SYAP1: variants seen among roughly 807,000 people sequenced by gnomAD.
SYAP1 encodes synapse associated protein 1, also known as synapse-associated protein 1.
A neutral mutation model predicts 29.6 loss-of-function variants in SYAP1; 3 were observed. That is an observed-to-expected ratio of 0.10 (90% CI 0.05 to 0.26). SYAP1 has a LOEUF of 0.26. SYAP1 is among the 10% of genes least tolerant of loss of function. The pLI is 1.00. For missense variants in SYAP1, 217 were observed against 264.1 expected (o/e 0.82, Z 1.24); for synonymous variants, 102 against 102.7 (o/e 0.99, Z 0.04).
At chrX:16,742,142 G>GTTTTTTTTTTTTTTTTTTTTT (rs1569250113) in intron 4 of SYAP1, among the ~76,000 whole-genome samples, 1 of 63,543 alleles carries the variant, frequency 1.6e-5, no homozygotes, top group African/African-American at 9.9e-5. Flanking sequence ...ATTTTTGTGT[G>GTTTTTTTTTTTTTTTTTTTTT]GTTTTTTTTT....
At chrX:16,722,419 T>C in intron 1 of SYAP1, among the ~76,000 whole-genome samples, 1 of 108,647 alleles carries the variant, frequency 9.2e-6, no homozygotes, top group East Asian at 2.9e-4. Context: ...TCCCAGCTAC[T>C]CAAGAGGCTG....
chrX:16,760,220 T>G lies in SYAP1; in HGVS notation c.932-12T>G, dbSNP rs761680225. ...CAGAGAGAATCTTTTTCTTCTCCTT[T>G]GTTTCTTTTAGAGGATTCTGCAGAT... On this transcript the variant is annotated splice_polypyrimidine_tract_variant and intron_variant, in intron 8 of 8. Transcript: ENST00000380155. The G allele has an allele frequency of 2.9e-5, 34 of 1,164,877 alleles. No homozygotes were observed. The South Asian group carries it at 7.0e-4, about 24-fold the overall frequency.
chrX:16,743,400 C>A (rs1188403779), intron 4 of SYAP1, among the ~76,000 whole-genome samples: 1 of 108,306 alleles, frequency 9.2e-6, no homozygotes, highest in African/African-American at 3.4e-5. Flanking sequence ...CTTTGGGAAG[C>A]CGAGGCAGGT....
intron 8 of SYAP1, among the ~76,000 whole-genome samples, chrX:16,759,039 AAAAT>A (rs1185152367): frequency 7.4e-5 from 8 of 107,571 alleles, no homozygotes; most frequent in Non-Finnish European, 7.7e-5. Flanking sequence ...AAAAAAAAAA[AAAAT>A]TAGCCTGGCG....
intron 4 of SYAP1, among the ~76,000 whole-genome samples, chrX:16,742,508 G>C (rs1464972171): frequency 9.0e-6 from 1 of 111,658 alleles, no homozygotes; most frequent in African/African-American, 3.3e-5. Context: ...GGCTGGTCTC[G>C]AGCTCCTGAC....
intron 1 of SYAP1, among the ~76,000 whole-genome samples, chrX:16,728,193 C>T (rs1389921431): frequency 9.0e-6 from 1 of 111,283 alleles, no homozygotes; most frequent in African/African-American, 3.3e-5. Flanking sequence ...TCACTCCAGT[C>T]TCCTATTCAG....
intron 3 of SYAP1, among the ~76,000 whole-genome samples, chrX:16,737,262 G>A (rs1926351629): frequency 9.0e-6 from 1 of 111,545 alleles, no homozygotes; most frequent in African/African-American, 3.3e-5. Flanking sequence ...GTGCACACCT[G>A]TAGTCCCAGC....
intron 2 of SYAP1, among the ~76,000 whole-genome samples, 173 bp downstream of exon 2, chrX:16,735,518 A>G (rs916620190): frequency 8.9e-6 from 1 of 112,590 alleles, no homozygotes; most frequent in Non-Finnish European, 1.9e-5. Context: ...AGTAAGTATC[A>G]TTAAATTACA....
chrX:16,756,807 T>C (rs1028626747), intron 7 of SYAP1, 86 bp downstream of exon 7: 1 of 919,439 alleles, frequency 1.1e-6, no homozygotes, highest in Non-Finnish European at 1.6e-6. Context: ...TTTAAAACTA[T>C]GTATGAATAT....
At chrX:16,753,086 T>A (rs190633516) in intron 5 of SYAP1, among the ~76,000 whole-genome samples, 1 of 108,863 alleles carries the variant, frequency 9.2e-6, no homozygotes, top group Non-Finnish European at 1.9e-5. Flanking sequence ...TACAAAAAAT[T>A]AGCCAGGCAT....
intron 1 of SYAP1, among the ~76,000 whole-genome samples, chrX:16,721,567 G>A (rs907313941): frequency 2.7e-5 from 3 of 111,334 alleles, no homozygotes; most frequent in African/African-American, 9.8e-5. Context: ...TTGCTCTGTC[G>A]CCCAGGCTGG....
intron 5 of SYAP1, among the ~76,000 whole-genome samples, chrX:16,748,173 A>G (rs1305190134): frequency 2.7e-5 from 3 of 112,352 alleles, no homozygotes; most frequent in African/African-American, 9.7e-5. Context: ...AAATATTCCA[A>G]CCCATTCCCA....
rs1403982103 is a variant in SYAP1 at position 16,735,305 on chromosome X, A to C, written c.254A>C (p.Lys85Thr). The C allele has an allele frequency of 1.7e-6, 2 of 1,195,391 alleles. No individual in the cohort carries two copies. Among genetic ancestry groups the C allele is most frequent in the Admixed American group, 4.7e-5 (2 of 42,307 alleles). The change falls in exon 2 of 9, where the codon AAA becomes ACA. Residue 85 changes from lysine to threonine, a missense_variant. Physicochemically the swap from Lys to Thr is moderately conservative, Grantham distance 78. Coordinates refer to ENST00000380155, the MANE Select transcript of SYAP1 (RefSeq NM_032796.4). ...SVAETAQTIK[K>T]SVEEGKIDGI... ...GCTGAAACAGCACAAACAATAAAGA[A>C]ATCCGTAGAAGAAGGAAAAATAGAT...
At chrX:16,744,003 A>C (rs1395718793) in intron 5 of SYAP1, among the ~76,000 whole-genome samples, 163 bp downstream of exon 5, 1 of 111,902 alleles carries the variant, frequency 8.9e-6, no homozygotes, top group Non-Finnish European at 1.9e-5. Context: ...ATCAAAACCA[A>C]GGTCTGACTT....
At chrX:16,729,609 C>T (rs1200811188) in intron 1 of SYAP1, among the ~76,000 whole-genome samples, 1 of 109,381 alleles carries the variant, frequency 9.1e-6, no homozygotes, top group East Asian at 2.9e-4. Flanking sequence ...TCTCAGCCTC[C>T]CAAGTAGCTG....
intron 1 of SYAP1, among the ~76,000 whole-genome samples, chrX:16,724,110 G>A (rs768855221): frequency 5.3e-5 from 6 of 112,223 alleles, no homozygotes; most frequent in Non-Finnish European, 7.5e-5. Context: ...ATTCATGGCC[G>A]TGATGTATTG....
intron 5 of SYAP1, among the ~76,000 whole-genome samples, chrX:16,745,330 C>T (rs1173901312): frequency 8.9e-6 from 1 of 112,026 alleles, no homozygotes; most frequent in Non-Finnish European, 1.9e-5. Context: ...AGCTTGGCTC[C>T]CCTCCCCACA....
At position 16,719,765 on chromosome X, in the gene SYAP1, C is replaced by G; in HGVS notation, c.41C>G (p.Pro14Arg). 1.7e-6 allele frequency: 2 copies of G among 1,203,790 alleles called. No individual in the cohort carries two copies. Among genetic ancestry groups the G allele is most frequent in the South Asian group, 3.6e-5 (2 of 55,706 alleles). ...GLSSWLGLQQPVAGGGQPNGD... is the reference protein window; with the variant it reads ...GLSSWLGLQQRVAGGGQPNGD... ...AGCAGTTGGTTGGGCTTGCAGCAGC[C>G]GGTGGCAGGCGGTGGGCAGCCCAAT... The change falls in exon 1 of 9, where the codon CCG becomes CGG. Residue 14 changes from proline to arginine, a missense_variant. Transcript: ENST00000380155.
intron 5 of SYAP1, among the ~76,000 whole-genome samples, chrX:16,753,638 A>G (rs1926783778): frequency 9.0e-6 from 1 of 110,768 alleles, no homozygotes; most frequent in South Asian, 3.9e-4. Context: ...TCTGGATGCT[A>G]GGTGTGCTCA....
Sources: allele counts gnomAD v4.1 joint callset (sites outside exome capture counted in the v4.1 genomes callset), GRCh38; gene constraint gnomAD v4.1.1; transcripts MANE v1.5; gene names NCBI Gene and HGNC (gene_info 2026-07-23, HGNC 2026-07-21).